INSR: variants seen among roughly 807,000 people sequenced by gnomAD.
INSR encodes the protein IR.
In INSR, 67 loss-of-function variants were observed where a neutral mutation model predicts 142.6. The observed-to-expected ratio is 0.47, with a 90% confidence interval of 0.39 to 0.58. INSR has a LOEUF of 0.58. Ranked by LOEUF, INSR falls within the 20% of genes least tolerant of loss-of-function variation. The probability of loss-of-function intolerance (pLI) is 0.00; values close to 1 mark genes in which losing one functional copy is unlikely to be tolerated. For missense variants in INSR, 1,248 were observed against 1,833.2 expected (o/e 0.68, Z 5.83); for synonymous variants, 756 against 743.1 (o/e 1.02, Z -0.28).
At chr19:7,233,734 G>C (rs1048289551) in intron 2 of INSR, among the ~76,000 whole-genome samples, 1 of 138,162 alleles carries the variant, frequency 7.2e-6, no homozygotes, top group African/African-American at 2.7e-5. Context: ...GGAGTGCAGT[G>C]GCACGATCTC....
chr19:7,256,536 A>G (rs10425864), intron 2 of INSR, among the ~76,000 whole-genome samples: 30,252 of 152,076 alleles, frequency 0.2, 3,354 homozygotes, highest in Non-Finnish European at 0.25. Flanking sequence ...AGGTTGAAGC[A>G]GGTGGATTGC....
At chr19:7,219,618 A>G (rs1975550235) in intron 2 of INSR, among the ~76,000 whole-genome samples, 1 of 137,456 alleles carries the variant, frequency 7.3e-6, no homozygotes. Context: ...GAGGGAGGGA[A>G]GGAGGGAGGG....
chr19:7,160,257 C>T (rs932686665), intron 9 of INSR, among the ~76,000 whole-genome samples: 5 of 152,078 alleles, frequency 3.3e-5, no homozygotes, highest in Admixed American at 6.6e-5. Context: ...CGGGTTCAAG[C>T]GATTCTTCTG....
At chr19:7,201,106 T>C (rs767711608) in intron 2 of INSR, among the ~76,000 whole-genome samples, 13 of 152,130 alleles carry the variant, frequency 8.5e-5, no homozygotes, top group Admixed American at 2.0e-4. Flanking sequence ...TTTCAACCTA[T>C]TGATGTTTCC....
At chr19:7,263,213 AG>A (rs1184366128) in intron 2 of INSR, among the ~76,000 whole-genome samples, 1 of 151,894 alleles carries the variant, frequency 6.6e-6, no homozygotes, top group African/African-American at 2.4e-5. Flanking sequence ...CAGGAGGCGG[AG>A]GTTGCAGTGA....
rs932942307 is a variant in INSR, at chr19:7,286,715, T to TG, written c.100+7076dup. ...ACAAGATTTTGCAGAAGGACTTCTG[T>TG]GTTTTTTTTTTCCTTTCTACACTTT... is the stretch of plus-strand genomic sequence containing the variant. On this transcript the variant is annotated intron_variant, in intron 1 of 21. Transcript: ENST00000302850. Among the ~76,000 whole-genome samples the TG allele has an allele frequency of 2.0e-5, 3 of 149,924 alleles. No individual in the cohort carries two copies. In the Admixed American group the frequency reaches 2.0e-4, roughly 10 times the overall value.
chr19:7,275,937 A>C (rs1238269053), intron 1 of INSR, among the ~76,000 whole-genome samples: 1 of 152,156 alleles, frequency 6.6e-6, no homozygotes, highest in Non-Finnish European at 1.5e-5. Flanking sequence ...CCTGAATCTG[A>C]GAATTTTCCA....
rs183420281 is a variant in INSR at position 7,178,364 on chromosome 19, T to C, written c.975-3633A>G. ...GAGATGAGGGGGCTGGAAATGGCAGTGTTGAATCACATGGTCAATGATTTC... is the reference window on the plus strand; with the variant it reads ...GAGATGAGGGGGCTGGAAATGGCAGCGTTGAATCACATGGTCAATGATTTC... On this transcript the variant is annotated intron_variant, in intron 3 of 21. Coordinates refer to ENST00000302850, the MANE Select transcript of INSR (RefSeq NM_000208.4). 1.7e-3 allele frequency among the ~76,000 whole-genome samples: 257 copies of C among 151,724 alleles called. 3 individuals carry two copies. The East Asian group carries it at 0.031, about 18-fold the overall frequency.
intron 9 of INSR, 43 bp downstream of exon 9, chr19:7,162,989 G>A (rs761473883): frequency 1.6e-5 from 25 of 1,605,340 alleles, no homozygotes; most frequent in Admixed American, 3.3e-5. Context: ...TCAGACACAC[G>A]TGTGCAAACC....
chr19:7,233,668 CTTTTTTTTTTTT>C (rs35763064), intron 2 of INSR, among the ~76,000 whole-genome samples: 3 of 72,410 alleles, frequency 4.1e-5, no homozygotes, highest in South Asian at 7.1e-4. Flanking sequence ...CTTTTTCTGT[CTTTTTTTTTTTT>C]TTTTTTTTTT....
chr19:7,199,406 T>C (rs1974886749), intron 2 of INSR, among the ~76,000 whole-genome samples: 1 of 151,634 alleles, frequency 6.6e-6, no homozygotes, highest in Admixed American at 6.6e-5. Context: ...TTAAATTTGT[T>C]TGTTTGTTTG....
chr19:7,152,146 T>C (rs1295543372), intron 10 of INSR: 3 of 187,630 alleles, frequency 1.6e-5, no homozygotes, highest in Non-Finnish European at 3.3e-5. Flanking sequence ...ATCCCAGCAC[T>C]CTGGGAGGCC....
rs1359923570 is a variant in INSR at position 7,114,047 on chromosome 19, C to G, written c.*3009G>C. ...AACACAGAGGTCCAAGGTGTTGTTGCAAAAAAAAAAAAAAAAAAAAAAAAA... is the reference window on the plus strand; with the variant it reads ...AACACAGAGGTCCAAGGTGTTGTTGGAAAAAAAAAAAAAAAAAAAAAAAAA... On this transcript the variant is annotated 3_prime_UTR_variant, in exon 22 of 22. Transcript: ENST00000302850. 1.5e-5 allele frequency: 1 copy of G among 65,506 alleles called. No homozygotes were observed. The highest frequency in any genetic ancestry group is 2.8e-5 in the Non-Finnish European group (1 of 36,330). 4.1% of individuals were successfully genotyped at this position (65,506 alleles called of 1,614,324 possible). A position where few individuals can be genotyped will look rare whatever the true frequency, so the allele number is the denominator to read the frequency against.
chr19:7,184,661 G>GAGAGAGAGAGAGAGAGAGAGAGA, intron 2 of INSR, 24 bp from the exon 3 acceptor site: 1 of 1,294,268 alleles, frequency 7.7e-7, no homozygotes, highest in African/African-American at 1.6e-5. Flanking sequence ...GAGAGAGAGA[G>GAGAGAGAGAGAGAGAGAGAGAGA]GGAAATAAAT....
chr19:7,255,702 T>G (rs1371767411), intron 2 of INSR, among the ~76,000 whole-genome samples: 1 of 151,918 alleles, frequency 6.6e-6, no homozygotes, highest in African/African-American at 2.4e-5. Flanking sequence ...CTCAGACTCC[T>G]GAGTAGCTGG....
At position 7,192,628 on chromosome 19, in the gene INSR, TC is replaced by T. The variant is rs2145014354; in HGVS notation, c.653-7992del. ...AGACTTGCAGGAAAATGCCAAACCGTCCGGGGGCTGTCACTCCCTCACACCT... is the reference window on the plus strand; with the variant it reads ...AGACTTGCAGGAAAATGCCAAACCGTCGGGGGCTGTCACTCCCTCACACCT... On this transcript the variant is annotated intron_variant, in intron 2 of 21. Transcript: ENST00000302850. This position sits in a 1 kb window ranked among gnomAD's most constrained non-coding sequence, Gnocchi z 4.2. 1.3e-5 allele frequency among the ~76,000 whole-genome samples: 2 copies of T among 152,278 alleles called. No individual in the cohort carries two copies. The highest frequency in any genetic ancestry group is 4.1e-4 in the South Asian group (2 of 4,826).
intron 19 of INSR, among the ~76,000 whole-genome samples, chr19:7,121,072 A>C (rs1048601156): frequency 1.2e-4 from 18 of 151,640 alleles, no homozygotes; most frequent in Non-Finnish European, 2.5e-4. Flanking sequence ...ATCTTGGCTC[A>C]CTGCAACCTC....
At position 7,117,273 on chromosome 19, in the gene INSR, G is replaced by A. The variant is rs1222439781; in HGVS notation, c.3932C>T (p.Ala1311Val). 1 of 1,614,198 alleles carries A rather than the reference G, an allele frequency of 6.2e-7. No homozygotes were observed. The highest frequency in any genetic ancestry group is 1.7e-5 in the Admixed American group (1 of 60,022). The change falls in exon 22 of 22, where the codon GCT (alanine) becomes GTT (valine). Residue 1311 changes from alanine to valine, a missense_variant. This residue lies in a region of INSR where 122 missense variants were observed against 129.8 expected (regional missense o/e 0.94). Coordinates refer to ENST00000302850, the MANE Select transcript of INSR (RefSeq NM_000208.4). Reference sequence around the variant, plus strand: ...CATCTCCAGCTCCTCACTCTCGGGAGCCTTGTTCTCCTCGCTGTGGAAGAA... The same window carrying A: ...CATCTCCAGCTCCTCACTCTCGGGAACCTTGTTCTCCTCGCTGTGGAAGAA... ...VSFFHSEENK[A>V]PESEELEMEF...
chr19:7,252,842 G>A lies in INSR; in HGVS notation c.652+14503C>T, dbSNP rs544388237. On this transcript the variant is annotated intron_variant, in intron 2 of 21. Transcript: ENST00000302850. ...TAGGATAAAGAAGCCACAGCCAGGC[G>A]CGGTGGCTCACGCCTGTAATCCCAG... is the stretch of plus-strand genomic sequence containing the variant. 2.4e-4 allele frequency among the ~76,000 whole-genome samples: 37 copies of A among 152,248 alleles called. 1 individual carries two copies. The highest frequency in any genetic ancestry group is 7.2e-4 in the African/African-American group (30 of 41,520).
Sources: gnomAD v4.1 joint callset for allele counts (sites outside exome capture counted in the v4.1 genomes callset) on GRCh38, gnomAD v4.1.1 for gene constraint, gnomAD v4.1.1 regional missense constraint, Gnocchi (gnomAD v3.1) non-coding constraint, MANE v1.5 for transcripts, NCBI Gene and HGNC (gene_info 2026-07-23, HGNC 2026-07-21) for gene names.